Variants in AKR1E2 observed in about 807,000 individuals in gnomAD.
The protein encoded by AKR1E2 is 1,5-anhydro-D-fructose reductase.
In AKR1E2, 43 loss-of-function variants were observed where a neutral mutation model predicts 41.9. The observed-to-expected ratio is 1.03, with a 90% CI of 0.80 to 1.32. The LOEUF is 1.32. Ranked by LOEUF, AKR1E2 falls within the 40% of genes most tolerant of loss-of-function variation. AKR1E2 has a pLI of 0.00. For missense variants in AKR1E2, 423 were observed against 396.5 expected (o/e 1.07, Z -0.57); for synonymous variants, 121 against 138.9 (o/e 0.87, Z 0.91).
intron 1 of AKR1E2, 82 bp downstream of exon 1, chr10:4,826,445 G>T (rs1320148406): frequency 2.5e-6 from 3 of 1,188,052 alleles, no homozygotes; most frequent in Admixed American, 4.2e-5. Context: ...CCAGGCCGGG[G>T]CTGGGGAGAA....
the AKR1E2 span, among the ~76,000 whole-genome samples, chr10:4,867,654 G>A: frequency 6.6e-6 from 1 of 152,172 alleles, no homozygotes; most frequent in Non-Finnish European, 1.5e-5. Flanking sequence ...AGGATTGCAT[G>A]GCAAAGATAA....
chr10:4,828,807 A>G (rs1166319974), intron 1 of AKR1E2, among the ~76,000 whole-genome samples: 2 of 152,152 alleles, frequency 1.3e-5, no homozygotes, highest in Non-Finnish European at 2.9e-5. Context: ...TGTTGGAATT[A>G]TTATTGGGTT....
chr10:4,838,694 A>G (rs1409140097), intron 5 of AKR1E2, among the ~76,000 whole-genome samples: 2 of 152,206 alleles, frequency 1.3e-5, no homozygotes, highest in East Asian at 1.9e-4. Context: ...AGCCACCACC[A>G]TGAAGAGCAA....
Position 4,844,024 on chromosome 10 carries a change from G to C in AKR1E2, c.837+1520G>C, listed in dbSNP as rs1460720099. Among the ~76,000 whole-genome samples the C allele has an allele frequency of 3.3e-5, 5 of 152,354 alleles. No individual in the cohort carries two copies. The East Asian group carries it at 7.7e-4, about 24-fold the overall frequency. ...AGAATTGAGCACTGCTGACTGACCG[G>C]CATCTGCTCCACATGGTGTGTCCGG... is the stretch of plus-strand genomic sequence containing the variant. On this transcript the variant is annotated intron_variant, in intron 8 of 9. Transcript: ENST00000298375.
the AKR1E2 span, among the ~76,000 whole-genome samples, chr10:4,868,497 C>T: frequency 2.0e-5 from 3 of 152,184 alleles, no homozygotes; most frequent in East Asian, 3.8e-4. Context: ...TAGTCAATCA[C>T]GTCACCTGCA....
downstream of AKR1E2, among the ~76,000 whole-genome samples, chr10:4,851,061 A>C (rs528422009): frequency 9.2e-5 from 14 of 152,302 alleles, no homozygotes; most frequent in African/African-American, 3.1e-4. Context: ...CTTGCCCTTA[A>C]ACACCCAAGT....
Position 4,847,202 on chromosome 10 carries a change from A to C in AKR1E2, c.892A>C (p.Arg298=). The change falls in exon 9 of 10, where the codon AGG becomes CGG. Residue 298 remains arginine (R), a synonymous_variant. Coordinates refer to ENST00000298375, the MANE Select transcript of AKR1E2 (RefSeq NM_001040177.3). Reference sequence around the variant, plus strand: ...TATGGATAACATCCTCAGCCTAAACAGGAATCTCCGACTGGCCATGTTCCC... The same window carrying C: ...TATGGATAACATCCTCAGCCTAAACCGGAATCTCCGACTGGCCATGTTCCC... The part of the protein sequence containing the change: ...HDMDNILSLN[R]NLRLAMFPIT... The C allele has an allele frequency of 6.2e-7, 1 of 1,614,234 alleles. No homozygotes were observed. The highest frequency in any genetic ancestry group is 8.5e-7 in the Non-Finnish European group (1 of 1,180,034).
At chr10:4,856,944 A>T in the AKR1E2 span, among the ~76,000 whole-genome samples, 1 of 152,146 alleles carries the variant, frequency 6.6e-6, no homozygotes, top group Non-Finnish European at 1.5e-5. Context: ...ATCCACTTCC[A>T]GAGTATTTTC....
chr10:4,848,436 CCCTGTCTTT>C (rs1472317066), downstream of AKR1E2, among the ~76,000 whole-genome samples: 2 of 152,220 alleles, frequency 1.3e-5, no homozygotes, highest in African/African-American at 4.8e-5. Context: ...ACGCCATGAT[CCCTGTCTTT>C]GCTGTCTGCT....
At chr10:4,828,916 T>G (rs1832754525) in intron 1 of AKR1E2, among the ~76,000 whole-genome samples, 1 of 152,244 alleles carries the variant, frequency 6.6e-6, no homozygotes, top group Admixed American at 6.5e-5. Flanking sequence ...GCCACTTTAC[T>G]AAACTGTACT....
upstream of AKR1E2, among the ~76,000 whole-genome samples, chr10:4,825,454 G>A (rs568517158): frequency 6.6e-6 from 1 of 152,210 alleles, no homozygotes; most frequent in East Asian, 1.9e-4. Flanking sequence ...CATAAGGGGG[G>A]TGTCCAGTCC....
chr10:4,870,228 C>A, the AKR1E2 span, among the ~76,000 whole-genome samples: 323 of 152,100 alleles, frequency 2.1e-3, 1 homozygote, highest in Non-Finnish European at 3.3e-3. Context: ...TTACCCTCCC[C>A]CATTTATAAT....
chr10:4,869,281 G>T, the AKR1E2 span, among the ~76,000 whole-genome samples: 1 of 152,114 alleles, frequency 6.6e-6, no homozygotes, highest in Non-Finnish European at 1.5e-5. Context: ...CAGGGGAATT[G>T]GTCCATTATA....
intron 6 of AKR1E2, among the ~76,000 whole-genome samples, chr10:4,840,801 C>T (rs1294526421): frequency 6.6e-6 from 1 of 152,156 alleles, no homozygotes; most frequent in African/African-American, 2.4e-5. Flanking sequence ...CCAGGAAGCC[C>T]TCCTGACCCC....
chr10:4,829,590 CTTT>C (rs149822902), intron 1 of AKR1E2, among the ~76,000 whole-genome samples: 20 of 151,512 alleles, frequency 1.3e-4, no homozygotes, highest in Admixed American at 9.2e-4. Context: ...GTGGTTTTCT[CTTT>C]TTTTTGAATT....
At chr10:4,836,803 G>A (rs1833462467) in intron 4 of AKR1E2, among the ~76,000 whole-genome samples, 1 of 152,218 alleles carries the variant, frequency 6.6e-6, no homozygotes, top group Non-Finnish European at 1.5e-5. Flanking sequence ...TTGTTGCAGA[G>A]TTGAGGCAGT....
At position 4,826,220 on chromosome 10, in the gene AKR1E2, T is replaced by G. The variant is rs1038185981; in HGVS notation, c.-105T>G. On this transcript the variant is annotated 5_prime_UTR_variant, in exon 1 of 10. Transcript: ENST00000298375. Reference sequence around the variant, plus strand: ...GGAGTGTCAGCCGTCACAAGGCACTTCCAGCCAGTCGCAACGGCGGGTCGC... The same window carrying G: ...GGAGTGTCAGCCGTCACAAGGCACTGCCAGCCAGTCGCAACGGCGGGTCGC... The G allele has an allele frequency of 4.3e-6, 4 of 934,032 alleles. No individual in the cohort carries two copies. Among genetic ancestry groups the G allele is most frequent in the African/African-American group, 3.4e-5 (2 of 58,946 alleles). The allele number at this position is 934,032 out of a possible 1,614,324, so 57.9% of individuals were successfully genotyped here.
the AKR1E2 span, among the ~76,000 whole-genome samples, chr10:4,859,094 T>C: frequency 6.6e-6 from 1 of 152,154 alleles, no homozygotes. Context: ...ATTTCTGGGA[T>C]TACAGATGTG....
At chr10:4,852,321 CAA>C, downstream of AKR1E2, among the ~76,000 whole-genome samples, 1 of 152,216 alleles carries the variant, frequency 6.6e-6, no homozygotes, top group South Asian at 2.1e-4. Context: ...GGAAAATTCT[CAA>C]AGAGCTGAAG....
Sources: gnomAD v4.1 joint callset for allele counts (sites outside exome capture counted in the v4.1 genomes callset) on GRCh38, gnomAD v4.1.1 for gene constraint, MANE v1.5 for transcripts, NCBI Gene and HGNC (gene_info 2026-07-23, HGNC 2026-07-21) for gene names.